PTGER3: variants seen among roughly 807,000 people sequenced by gnomAD.
PTGER3 encodes the protein prostaglandin E receptor 3, also known as prostaglandin E2 receptor EP3 subtype.
In PTGER3, 22 loss-of-function variants were observed where a neutral mutation model predicts 34.7. The observed-to-expected ratio is 0.63, with a 90% CI of 0.45 to 0.91. PTGER3 has a LOEUF of 0.91. Among genes scored for constraint, PTGER3 ranks in the 40% least tolerant of loss-of-function variants. The pLI is 0.00. For synonymous variants in PTGER3, 241 were observed against 230.1 expected, an observed-to-expected ratio of 1.05 and a Z score of -0.43; for missense variants, 468 against 519.4, an observed-to-expected ratio of 0.90 and a Z score of 0.96.
intron 2 of PTGER3, among the ~76,000 whole-genome samples, chr1:70,974,700 AC>A (rs941526556): frequency 6.6e-6 from 1 of 152,066 alleles, no homozygotes; most frequent in African/African-American, 2.4e-5. Flanking sequence ...ATCTAATTCA[AC>A]CACCCTCCAG....
intron 2 of PTGER3, among the ~76,000 whole-genome samples, chr1:70,996,639 T>TTTATTTATTTATTTATTTATTTA (rs1553173494): frequency 8.1e-6 from 1 of 122,752 alleles, no homozygotes; most frequent in African/African-American, 3.0e-5. Flanking sequence ...TTTTTTGTAT[T>TTTATTTATTTATTTATTTATTTA]TTTATTTATT....
intron 2 of PTGER3, chr1:71,008,464 A>G (rs1487549313): frequency 6.6e-6 from 6 of 904,278 alleles, no homozygotes. Flanking sequence ...TATCAAATAA[A>G]ATATTTTCCC....
chr1:70,995,564 G>A (rs961108954), intron 2 of PTGER3, among the ~76,000 whole-genome samples: 8 of 152,066 alleles, frequency 5.3e-5, no homozygotes, highest in African/African-American at 1.9e-4. Context: ...CCTAGTCTTA[G>A]TCTTTCTTTA....
chr1:71,002,427 T>C (rs1477136285), intron 2 of PTGER3, among the ~76,000 whole-genome samples: 7 of 152,222 alleles, frequency 4.6e-5, no homozygotes, highest in African/African-American at 1.7e-4. Flanking sequence ...CCTTGTCCAA[T>C]GTAGAACATT....
At chr1:70,958,215 A>G (rs529870243) in intron 2 of PTGER3, among the ~76,000 whole-genome samples, 67 of 152,312 alleles carry the variant, frequency 4.4e-4, no homozygotes, top group Admixed American at 9.8e-4. Flanking sequence ...ATATATGCCC[A>G]GTAATGAGCT....
At chr1:71,028,334 G>A (rs949957142) in intron 1 of PTGER3, among the ~76,000 whole-genome samples, 3 of 152,198 alleles carry the variant, frequency 2.0e-5, no homozygotes, top group Non-Finnish European at 2.9e-5. Flanking sequence ...GGAACAAGCC[G>A]TAGGATGAAG....
chr1:70,886,282 C>T (rs1320617958), intron 4 of PTGER3: 1 of 451,982 alleles, frequency 2.2e-6, no homozygotes, highest in Non-Finnish European at 4.5e-6. Flanking sequence ...ACTCACCAGA[C>T]ACCGAATCTG....
At chr1:71,006,805 T>G in intron 2 of PTGER3, 1 of 985,416 alleles carries the variant, frequency 1.0e-6, no homozygotes, top group Non-Finnish European at 1.2e-6. Flanking sequence ...TTAACATAGT[T>G]ATAGGTAAAG....
intron 4 of PTGER3, among the ~76,000 whole-genome samples, chr1:70,933,406 T>A (rs1648911774): frequency 6.6e-6 from 1 of 152,232 alleles, no homozygotes; most frequent in Non-Finnish European, 1.5e-5. Flanking sequence ...TACCTTCTTT[T>A]ATTATCTTTT....
At chr1:70,886,375 T>G in intron 4 of PTGER3, 1 of 430,808 alleles carries the variant, frequency 2.3e-6, no homozygotes, top group Non-Finnish European at 4.6e-6. Context: ...GTCTGTGGTA[T>G]CTTGTTATAG....
intron 4 of PTGER3, among the ~76,000 whole-genome samples, chr1:70,854,532 A>T (rs947209822): frequency 6.6e-6 from 1 of 152,122 alleles, no homozygotes; most frequent in Admixed American, 6.5e-5. Flanking sequence ...TCATGGGGAC[A>T]GATTTCCCCC....
chr1:71,047,692 C>T lies in PTGER3; in HGVS notation c.-115G>A, dbSNP rs531754205. 7.9e-6 allele frequency: 10 copies of T among 1,273,624 alleles called. No individual in the cohort carries two copies. Among genetic ancestry groups the T allele is most frequent in the Non-Finnish European group, 1.0e-5 (10 of 958,594 alleles). 78.9% of individuals were successfully genotyped at this position (1,273,624 alleles called of 1,614,324 possible). ...TACCGCGGCTGGGGCTGGGCTGCCC[C>T]CCATGGTGCGGGGCGCAGCCGCCGC... On this transcript the variant is annotated 5_prime_UTR_variant, in exon 1 of 4. Coordinates refer to ENST00000306666, the MANE Select transcript of PTGER3 (RefSeq NM_198719.2).
intron 4 of PTGER3, among the ~76,000 whole-genome samples, chr1:70,857,940 T>C (rs1202705772): frequency 6.6e-6 from 1 of 152,238 alleles, no homozygotes; most frequent in East Asian, 1.9e-4. Flanking sequence ...GCCAGTTTAC[T>C]GGGAATAATT....
At chr1:71,040,225 G>A (rs1660196256) in intron 1 of PTGER3, among the ~76,000 whole-genome samples, 3 of 152,134 alleles carry the variant, frequency 2.0e-5, no homozygotes, top group Admixed American at 2.0e-4. Flanking sequence ...GGTTCATAAA[G>A]TTATCAAGTG....
At chr1:70,868,765 T>C (rs1646099447) in intron 4 of PTGER3, among the ~76,000 whole-genome samples, 1 of 152,208 alleles carries the variant, frequency 6.6e-6, no homozygotes. Context: ...GTTCCAATCA[T>C]CATCAGAAGA....
rs535221842 is a variant in PTGER3, at chr1:71,023,365, G to A, written c.898-10881C>T. On this transcript the variant is annotated intron_variant, in intron 1 of 3. Transcript: ENST00000306666. ...CTGCTACCTTTCTGGGTATTCCTCT[G>A]CAGTCCCCTTTATATGCTCCTGTTT... Among the ~76,000 whole-genome samples, 3 of 151,940 alleles carry A rather than the reference G, an allele frequency of 2.0e-5. 1 individual carries two copies. Among genetic ancestry groups the A allele is most frequent in the African/African-American group, 7.3e-5 (3 of 41,272 alleles).
exon 5 of PTGER3, chr1:70,852,758 G>A (rs781094999): frequency 4.7e-6 from 7 of 1,498,426 alleles, no homozygotes; most frequent in Non-Finnish European, 6.5e-6. Context: ...TGGGAGGTGG[G>A]TGTTTCTGTG....
chr1:70,854,811 A>C (rs1645764797), intron 4 of PTGER3, among the ~76,000 whole-genome samples: 1 of 152,226 alleles, frequency 6.6e-6, no homozygotes, highest in Non-Finnish European at 1.5e-5. Flanking sequence ...GGCCACTGTC[A>C]TAAAAACAGA....
At chr1:70,945,452 C>T (rs116781667) in intron 4 of PTGER3, among the ~76,000 whole-genome samples, 5,813 of 152,218 alleles carry the variant, frequency 0.038, 174 homozygotes, top group Non-Finnish European at 0.055. Flanking sequence ...GAGAAAGTAA[C>T]TCTGCTAGAC....
Sources: gnomAD v4.1 joint callset for allele counts (sites outside exome capture counted in the v4.1 genomes callset) on GRCh38, gnomAD v4.1.1 for gene constraint, MANE v1.5 for transcripts, NCBI Gene and HGNC (gene_info 2026-07-23, HGNC 2026-07-21) for gene names.